Variants in SERPINB5 observed in about 807,000 individuals in gnomAD.
SERPINB5 encodes serpin family B member 5, also known as serpin B5.
In SERPINB5, 27 loss-of-function variants were observed where a neutral mutation model predicts 32.2. The observed-to-expected ratio is 0.84, with a 90% CI of 0.62 to 1.16. SERPINB5 has a LOEUF of 1.16. Among genes scored for constraint, SERPINB5 ranks in the 50% most tolerant of loss-of-function variants. The pLI is 0.00. For missense variants in SERPINB5, 388 were observed against 436.3 expected (o/e 0.89, Z 0.99); for synonymous variants, 154 against 157.4 (o/e 0.98, Z 0.16).
At chr18:63,502,119 TTTTG>T (rs1273220694) in intron 6 of SERPINB5, among the ~76,000 whole-genome samples, 3 of 149,664 alleles carry the variant, frequency 2.0e-5, no homozygotes, top group African/African-American at 7.4e-5. Flanking sequence ...GAAAATGACC[TTTTG>T]AGTTTTGGAA....
chr18:63,496,228 A>C (rs1489057771), intron 5 of SERPINB5, among the ~76,000 whole-genome samples: 1 of 152,232 alleles, frequency 6.6e-6, no homozygotes, highest in East Asian at 1.9e-4. Flanking sequence ...CTATGTGCAC[A>C]TTCAGAAACT....
chr18:63,490,557 G>T (rs1037111915), intron 4 of SERPINB5: 3 of 152,138 alleles, frequency 2.0e-5, no homozygotes, highest in African/African-American at 7.2e-5. Flanking sequence ...GTCTAGGGAG[G>T]GATACACTTC....
At chr18:63,487,716 A>C (rs1917238125) in intron 3 of SERPINB5, among the ~76,000 whole-genome samples, 1 of 152,204 alleles carries the variant, frequency 6.6e-6, no homozygotes, top group African/African-American at 2.4e-5. Context: ...GTAATATTTA[A>C]AAATCTGTAT....
chr18:63,503,775 T>C lies in SERPINB5; in HGVS notation c.*53T>C. On this transcript the variant is annotated 3_prime_UTR_variant, in exon 7 of 7. Transcript: ENST00000382771. ...TGACTTTTCTGTGGATGCCGATTTC[T>C]GTAAACTCTGCATCCAGAGATTCAT... is the stretch of plus-strand genomic sequence containing the variant. The C allele has an allele frequency of 2.0e-6, 3 of 1,533,552 alleles. No homozygotes were observed. Among genetic ancestry groups the C allele is most frequent in the Non-Finnish European group, 2.7e-6 (3 of 1,118,632 alleles). 95.0% of individuals were successfully genotyped at this position (1,533,552 alleles called of 1,614,324 possible). A position where few individuals can be genotyped will look rare whatever the true frequency, so the allele number is the denominator to read the frequency against.
chr18:63,497,881 G>A (rs950595314), intron 5 of SERPINB5, among the ~76,000 whole-genome samples: 59 of 152,158 alleles, frequency 3.9e-4, no homozygotes, highest in African/African-American at 1.3e-3. Flanking sequence ...GAGAGATTGA[G>A]TGATTTGCTC....
At chr18:63,499,628 T>C (rs951138319) in intron 6 of SERPINB5, among the ~76,000 whole-genome samples, 2 of 152,164 alleles carry the variant, frequency 1.3e-5, no homozygotes, top group African/African-American at 4.8e-5. Flanking sequence ...GGTAACTGGT[T>C]ACATAATTAG....
intron 4 of SERPINB5, among the ~76,000 whole-genome samples, chr18:63,492,719 C>G (rs1255452859): frequency 6.6e-6 from 1 of 152,226 alleles, no homozygotes; most frequent in African/African-American, 2.4e-5. Flanking sequence ...CTTCTTATTT[C>G]TCTTCCTTTC....
rs1371462192 is a variant in SERPINB5 at position 63,499,407 on chromosome 18, C to T, written c.735+120C>T. 4 of 782,264 alleles carry T rather than the reference C, an allele frequency of 5.1e-6. No homozygotes were observed. In the African/African-American group the frequency reaches 7.2e-5, roughly 14 times the overall value. The allele number at this position is 782,264 out of a possible 1,614,324, so 48.5% of individuals were successfully genotyped here. A position where few individuals can be genotyped will look rare whatever the true frequency, so the allele number is the denominator to read the frequency against. On this transcript the variant is annotated intron_variant, in intron 6 of 6. Transcript: ENST00000382771. Reference sequence around the variant, plus strand: ...TAGCCCTCCCTTATTGCCACTGGCTCAGTCACCTCCAAGGACCCATGGTTC... The same window carrying T: ...TAGCCCTCCCTTATTGCCACTGGCTTAGTCACCTCCAAGGACCCATGGTTC...
intron 5 of SERPINB5, among the ~76,000 whole-genome samples, chr18:63,494,125 C>T (rs1475484381): frequency 3.3e-5 from 5 of 151,766 alleles, no homozygotes; most frequent in African/African-American, 1.2e-4. Context: ...AGTTTGAGAC[C>T]AGCCTGACCA....
chr18:63,483,683 C>G (rs778320516), intron 1 of SERPINB5, among the ~76,000 whole-genome samples: 1 of 152,204 alleles, frequency 6.6e-6, no homozygotes, highest in Non-Finnish European at 1.5e-5. Flanking sequence ...CCTCCAATCT[C>G]TGCCTCCATT....
At chr18:63,489,756 A>C (rs1917271812) in intron 4 of SERPINB5, among the ~76,000 whole-genome samples, 1 of 152,214 alleles carries the variant, frequency 6.6e-6, no homozygotes, top group Non-Finnish European at 1.5e-5. Flanking sequence ...CCTCTAACAA[A>C]GTATGACTTT....
chr18:63,477,768 A>T (rs981963904), intron 1 of SERPINB5, among the ~76,000 whole-genome samples: 2 of 152,196 alleles, frequency 1.3e-5, no homozygotes, highest in Admixed American at 1.3e-4. Flanking sequence ...TAAGCATATC[A>T]TACTAAAAAC....
chr18:63,489,467 A>C lies in SERPINB5; in HGVS notation c.424+3A>C, dbSNP rs774440489. 1.3e-6 allele frequency: 2 copies of C among 1,535,818 alleles called. No homozygotes were observed. The highest frequency in any genetic ancestry group is 4.5e-5 in the East Asian group (2 of 44,382). On this transcript the variant is annotated splice_donor_region_variant and intron_variant, in intron 4 of 6. Coordinates refer to ENST00000382771, the MANE Select transcript of SERPINB5 (RefSeq NM_002639.5). ...CTCAATTAAGGATCTCACAGATGGC[A>C]AGTACCCTTTAATTGTTCTGCTATC...
At chr18:63,484,357 G>C in intron 1 of SERPINB5, 65 bp from the exon 2 acceptor site, 1 of 1,398,766 alleles carries the variant, frequency 7.1e-7, no homozygotes, top group South Asian at 1.4e-5. Context: ...AGTGTTGGCA[G>C]AATGCAGTTG....
intron 1 of SERPINB5, 130 bp from the exon 2 acceptor site, chr18:63,484,292 A>G: frequency 1.0e-6 from 1 of 957,250 alleles, no homozygotes; most frequent in South Asian, 1.9e-5. Context: ...TTGAATTTAC[A>G]GAAAGTTCCT....
chr18:63,481,364 C>A (rs1044265821), intron 1 of SERPINB5, among the ~76,000 whole-genome samples: 2 of 152,240 alleles, frequency 1.3e-5, no homozygotes, highest in African/African-American at 4.8e-5. Flanking sequence ...ATCTTAAACA[C>A]CATCTTTCTA....
chr18:63,487,985 AC>A (rs1245743149), intron 3 of SERPINB5, among the ~76,000 whole-genome samples: 2 of 152,134 alleles, frequency 1.3e-5, no homozygotes, highest in Admixed American at 6.5e-5. Context: ...CATACACACA[AC>A]CATTTTTCTT....
Position 63,486,928 on chromosome 18 carries a change from G to A in SERPINB5, c.169-18G>A, listed in dbSNP as rs564606063. On this transcript the variant is annotated intron_variant, in intron 2 of 6. Transcript: ENST00000382771. Reference sequence around the variant, plus strand: ...TCAGAGGCAATGCTTTTTGGGTAACGGATTTTTCTCTTAACAGGTTCTTCA... The same window carrying A: ...TCAGAGGCAATGCTTTTTGGGTAACAGATTTTTCTCTTAACAGGTTCTTCA... The A allele has an allele frequency of 2.6e-5, 42 of 1,612,834 alleles. 1 individual carries two copies. In the South Asian group the frequency reaches 3.8e-4, roughly 15 times the overall value.
At chr18:63,484,663 T>C (rs1917177193) in intron 2 of SERPINB5, 67 bp downstream of exon 2, 1 of 1,395,466 alleles carries the variant, frequency 7.2e-7, no homozygotes, top group Non-Finnish European at 9.6e-7. Context: ...AGGCAGTGCC[T>C]ACGGAAAAAA....
Sources: allele counts gnomAD v4.1 joint callset (sites outside exome capture counted in the v4.1 genomes callset), GRCh38; gene constraint gnomAD v4.1.1; transcripts MANE v1.5; gene names NCBI Gene and HGNC (gene_info 2026-07-23, HGNC 2026-07-21).